CLCN1: variants seen among roughly 807,000 people sequenced by gnomAD.
CLCN1 encodes chloride channel protein 1.
Under a neutral mutation model 114.5 loss-of-function variants are expected in CLCN1, and 100 were observed. The observed-to-expected ratio is 0.87, with a 90% CI of 0.74 to 1.03. CLCN1 has a LOEUF of 1.03. Ranked by LOEUF, CLCN1 falls within the 50% of genes least tolerant of loss-of-function variation. The pLI is 0.00. For synonymous variants in CLCN1, 485 were observed against 487.1 expected (o/e 1.00, Z 0.06); for missense variants, 1,188 against 1,250.0 (o/e 0.95, Z 0.75).
At position 143,351,899 on chromosome 7, in the gene CLCN1, C is replaced by T. The variant is rs143082508; in HGVS notation, c.2901C>T (p.Ala967=). The change falls in exon 23 of 23, where the codon GCC becomes GCT. Residue 967 remains alanine, a synonymous_variant. Coordinates refer to ENST00000343257, the MANE Select transcript of CLCN1 (RefSeq NM_000083.3). ...VESPGLEEEL[A]DILQGPSLRS... ...GTCCAGGGCTGGAAGAGGAGCTGGC[C>T]GACATCTTGCAGGGCCCCAGCCTGC... 8.1e-5 allele frequency: 130 copies of T among 1,613,836 alleles called. 1 individual carries two copies. The East Asian group carries it at 2.3e-3, about 29-fold the overall frequency.
rs1802704145 is a variant in CLCN1, at chr7:143,330,887, C to T, written c.969C>T (p.Asn323=). The T allele has an allele frequency of 6.2e-7, 1 of 1,614,164 alleles. No homozygotes were observed. Among genetic ancestry groups the T allele is most frequent in the Non-Finnish European group, 8.5e-7 (1 of 1,180,052 alleles). Residue 323 remains asparagine, a synonymous_variant, in exon 8 of 23, where the codon AAC becomes AAT. Coordinates refer to ENST00000343257, the MANE Select transcript of CLCN1 (RefSeq NM_000083.3). ...TGTTTCGAGTGCTGGCAGTGTGGAACAAGGATGCTGGTAACCAAGGAGGCC... is the reference window on the plus strand; with the variant it reads ...TGTTTCGAGTGCTGGCAGTGTGGAATAAGGATGCTGGTAACCAAGGAGGCC... ...AFVFRVLAVW[N]KDAVTITALF...
In CLCN1 at chr7:143,346,198, C is replaced by T; in HGVS notation, c.2231C>T (p.Pro744Leu). Reference sequence around the variant, plus strand: ...ACTGCCCCTCTGTCCCCAGAAGAGCCCAATGGGCCTCTGCCTGGCCACAAA... The same window carrying T: ...ACTGCCCCTCTGTCCCCAGAAGAGCTCAATGGGCCTCTGCCTGGCCACAAA... ...STTAPLSPEE[P>L]NGPLPGHKQQ... Residue 744 changes from proline (P) to leucine (L), a missense_variant, in exon 18 of 23, where the codon CCC (proline) becomes CTC (leucine). Pro to Leu is a moderately conservative substitution (Grantham distance 98, BLOSUM62 -3). Transcript: ENST00000343257. 6.2e-7 allele frequency: 1 copy of T among 1,613,768 alleles called. No homozygotes were observed. The highest frequency in any genetic ancestry group is 8.5e-7 in the Non-Finnish European group (1 of 1,179,886).
At position 143,320,856 on chromosome 7, in the gene CLCN1, G is replaced by A. The variant is rs377578852; in HGVS notation, c.433+61G>A. 1.4e-4 allele frequency: 228 copies of A among 1,600,282 alleles called. 6 individuals carry two copies. In the South Asian group the frequency reaches 1.5e-3, roughly 11 times the overall value. On this transcript the variant is annotated intron_variant, in intron 3 of 22. Coordinates refer to ENST00000343257, the MANE Select transcript of CLCN1 (RefSeq NM_000083.3). ...CTGGAGTTTCTACCTAGGGTAAGCA[G>A]GGTGTGTTATCGGAAGCGAATGTTA...
chr7:143,332,499 G>A lies in CLCN1; in HGVS notation c.1247G>A (p.Gly416Glu), dbSNP rs1360333956. ...CCAGGAATGGGTCAATTCATGGCTG[G>A]AGAGGTCAGCTGTTGGTGGGGCCAC... ...FPPGMGQFMAGELMPREAIST... is the reference protein window; with the variant it reads ...FPPGMGQFMAEELMPREAIST... Residue 416 changes from glycine to glutamate, a missense_variant, in exon 11 of 23, where the codon GGA becomes GAA. By Grantham distance (98) the Gly-to-Glu change is moderately conservative. Transcript: ENST00000343257. 2.5e-6 allele frequency: 4 copies of A among 1,613,268 alleles called. No individual in the cohort carries two copies. Among genetic ancestry groups the A allele is most frequent in the East Asian group, 2.2e-5 (1 of 44,882 alleles).
At chr7:143,319,563 A>G (rs570371844) in intron 1 of CLCN1, among the ~76,000 whole-genome samples, 192 bp from the exon 2 acceptor site, 1 of 152,302 alleles carries the variant, frequency 6.6e-6, no homozygotes, top group Non-Finnish European at 1.5e-5. Context: ...AACAAGGGAA[A>G]GGGTGGGAAG....
At chr7:143,333,868 C>T (rs1249048234) in intron 12 of CLCN1, among the ~76,000 whole-genome samples, 1 of 152,166 alleles carries the variant, frequency 6.6e-6, no homozygotes, top group Non-Finnish European at 1.5e-5. Context: ...TCAATTACTG[C>T]CTTGTAATAA....
chr7:143,330,961 G>A (rs1427768490), intron 8 of CLCN1, 64 bp downstream of exon 8: 2 of 1,611,026 alleles, frequency 1.2e-6, no homozygotes, highest in Non-Finnish European at 1.7e-6. Flanking sequence ...GGGTGCAGAG[G>A]AAAACTCTGT....
In CLCN1 at chr7:143,327,200, C is replaced by A. The variant is rs374209930; in HGVS notation, c.853+2708C>A. 5.3e-5 allele frequency among the ~76,000 whole-genome samples: 8 copies of A among 151,522 alleles called. No individual in the cohort carries two copies. The East Asian group carries it at 5.8e-4, about 11-fold the overall frequency. Reference sequence around the variant, plus strand: ...GGTGGAGGTTGTAGCAAGCTGAGATCGCGCGTCACTGCACTCCAGTCCGGG... The same window carrying A: ...GGTGGAGGTTGTAGCAAGCTGAGATAGCGCGTCACTGCACTCCAGTCCGGG... On this transcript the variant is annotated intron_variant, in intron 7 of 22. Transcript: ENST00000343257.
chr7:143,351,442 TTC>T (rs1803397252), intron 22 of CLCN1, 150 bp from the exon 23 acceptor site: 3 of 793,284 alleles, frequency 3.8e-6, no homozygotes, highest in Non-Finnish European at 4.0e-6. Context: ...GTTCCTTGTT[TTC>T]TGTTTCTCTT....
intron 16 of CLCN1, 132 bp downstream of exon 16, chr7:143,342,637 A>C (rs1188211648): frequency 2.2e-6 from 2 of 895,326 alleles, no homozygotes; most frequent in East Asian, 5.2e-5. Flanking sequence ...GGAAGGAAAA[A>C]TTAAGCCATA....
chr7:143,331,790 G>T (rs948799795), intron 10 of CLCN1, 138 bp downstream of exon 10: 3 of 706,472 alleles, frequency 4.2e-6, no homozygotes, highest in Non-Finnish European at 7.7e-6. Flanking sequence ...TGATATTGTG[G>T]TTAGGGGGTG....
intron 20 of CLCN1, among the ~76,000 whole-genome samples, chr7:143,347,389 G>A (rs1803275309): frequency 6.6e-6 from 1 of 152,088 alleles, no homozygotes; most frequent in African/African-American, 2.4e-5. Flanking sequence ...GGGAGGCCAA[G>A]GCAGGCAGAT....
chr7:143,348,105 A>G (rs1019684262), intron 20 of CLCN1, among the ~76,000 whole-genome samples: 1 of 152,226 alleles, frequency 6.6e-6, no homozygotes, highest in Non-Finnish European at 1.5e-5. Context: ...TATCCAGAAT[A>G]AATATGTGCT....
intron 2 of CLCN1, among the ~76,000 whole-genome samples, chr7:143,320,221 C>T (rs1345556624): frequency 5.9e-5 from 9 of 152,210 alleles, no homozygotes; most frequent in East Asian, 1.9e-4. Flanking sequence ...GCAATCCTCC[C>T]GCCTTAGCCT....
In CLCN1 at chr7:143,350,300, G is replaced by A. The variant is rs916685299; in HGVS notation, c.2404-72G>A. 1.6e-6 allele frequency: 2 copies of A among 1,215,902 alleles called. No individual in the cohort carries two copies. Among genetic ancestry groups the A allele is most frequent in the Non-Finnish European group, 2.4e-6 (2 of 832,082 alleles). 75.3% of individuals were successfully genotyped at this position (1,215,902 alleles called of 1,614,324 possible). A position where few individuals can be genotyped will look rare whatever the true frequency, so the allele number is the denominator to read the frequency against. On this transcript the variant is annotated intron_variant, in intron 20 of 22. Coordinates refer to ENST00000343257, the MANE Select transcript of CLCN1 (RefSeq NM_000083.3). The surrounding 1 kb of genome is among the most constrained non-coding windows in gnomAD (Gnocchi z 5.1). ...TGGGCAGCGGCTAGGAGGGCCGTTT[G>A]GGGTCAAAATCAGGTATCTGGGGTG...
rs567316758 is a variant in CLCN1 at position 143,333,705 on chromosome 7, T to A, written c.1401+832T>A. 2.6e-5 allele frequency among the ~76,000 whole-genome samples: 4 copies of A among 152,308 alleles called. No individual in the cohort carries two copies. In the East Asian group the frequency reaches 7.7e-4, roughly 29 times the overall value. On this transcript the variant is annotated intron_variant, in intron 12 of 22. Coordinates refer to ENST00000343257, the MANE Select transcript of CLCN1 (RefSeq NM_000083.3). ...AGTGACTACACATAATTTTTATACA[T>A]GTTATTATTCTCTATTTAGGTGATG...
chr7:143,352,019 A>C lies in CLCN1; in HGVS notation c.*54A>C. ...CGTGGAGAGGCCCAGCCTGAGGGTG[A>C]ACTTGTGTGGGGCAGGGTGCGTCCT... On this transcript the variant is annotated 3_prime_UTR_variant, in exon 23 of 23. Transcript: ENST00000343257. The C allele has an allele frequency of 6.2e-7, 1 of 1,610,896 alleles. No homozygotes were observed. The highest frequency in any genetic ancestry group is 8.5e-7 in the Non-Finnish European group (1 of 1,179,048).
At chr7:143,331,205 C>T (rs367699805) in intron 8 of CLCN1, 27 bp from the exon 9 acceptor site, 149 of 1,526,056 alleles carry the variant, frequency 9.8e-5, no homozygotes, top group Non-Finnish European at 8.9e-5. Flanking sequence ...AAGCTCCCAT[C>T]GTAATACTGG....
intron 14 of CLCN1, among the ~76,000 whole-genome samples, chr7:143,341,462 G>A (rs1377655081): frequency 1.3e-5 from 2 of 151,938 alleles, no homozygotes; most frequent in African/African-American, 4.8e-5. Context: ...GGAAGACTGA[G>A]GCAGGAGAAT....
Sources: allele counts gnomAD v4.1 joint callset (sites outside exome capture counted in the v4.1 genomes callset), GRCh38; gene constraint gnomAD v4.1.1; non-coding constraint Gnocchi (gnomAD v3.1); transcripts MANE v1.5; gene names NCBI Gene and HGNC (gene_info 2026-07-23, HGNC 2026-07-21).